The following CHD6 variants were observed in gnomAD, a reference collection of about 807,000 sequenced individuals.
The protein encoded by CHD6 is ATP-dependent chromatin remodeler CHD6.
CHD6 carries 50 observed loss-of-function variants against 276.9 expected under a neutral mutation model. The observed-to-expected ratio is 0.18, with a 90% CI of 0.14 to 0.23. CHD6 has a LOEUF of 0.23. CHD6 is among the 10% of genes least tolerant of loss of function. CHD6 has a pLI of 1.00. For missense variants in CHD6, 2,564 were observed against 3,365.8 expected, an observed-to-expected ratio of 0.76 and a Z score of 5.89; for synonymous variants, 1,173 against 1,229.3, an observed-to-expected ratio of 0.95 and a Z score of 0.96.
chr20:41,445,865 G>T, intron 24 of CHD6, 97 bp from the exon 25 acceptor site: 1 of 710,284 alleles, frequency 1.4e-6, no homozygotes. Context: ...AGATGCTAAA[G>T]TAACAATAAA....
At chr20:41,441,093 T>A (rs1236357757) in intron 25 of CHD6, among the ~76,000 whole-genome samples, 1 of 152,210 alleles carries the variant, frequency 6.6e-6, no homozygotes, top group Non-Finnish European at 1.5e-5. Flanking sequence ...GCTGCCCACA[T>A]GAGGTACCTG....
In CHD6 at chr20:41,483,306, C is replaced by T; in HGVS notation, c.2468+3G>A. 1 of 1,608,770 alleles carries T rather than the reference C, an allele frequency of 6.2e-7. No individual in the cohort carries two copies. On this transcript the variant is annotated splice_donor_region_variant and intron_variant, in intron 16 of 36. Coordinates refer to ENST00000373233, the MANE Select transcript of CHD6 (RefSeq NM_032221.5). ...GAATGCAGAGCTTTGACACAAGTCT[C>T]ACCTTCTCTGGATGAGGTAATCTTC...
At chr20:41,422,167 G>A (rs1045804788) in intron 30 of CHD6, 88 bp from the exon 31 acceptor site, 2 of 1,377,930 alleles carry the variant, frequency 1.5e-6, no homozygotes, top group South Asian at 2.9e-5. Context: ...TGGTCTTGGA[G>A]TTTAGCTCCC....
chr20:41,526,942 T>C (rs929663475), intron 3 of CHD6, among the ~76,000 whole-genome samples: 9 of 152,196 alleles, frequency 5.9e-5, no homozygotes, highest in Admixed American at 2.0e-4. Context: ...TCTAACAAGC[T>C]GTCCAGGTAG....
chr20:41,445,142 C>T (rs917472353), intron 25 of CHD6, among the ~76,000 whole-genome samples: 8 of 152,148 alleles, frequency 5.3e-5, no homozygotes, highest in African/African-American at 1.9e-4. Flanking sequence ...CCTCTCAGTC[C>T]CCTTTAGTGG....
At chr20:41,461,637 C>A (rs2145720138) in intron 17 of CHD6, 1 of 152,932 alleles carries the variant, frequency 6.5e-6, no homozygotes, top group African/African-American at 2.4e-5. Flanking sequence ...AATTAAACTT[C>A]TTTTTCGTCC....
chr20:41,403,932 G>A lies in CHD6; in HGVS notation c.*661C>T, dbSNP rs2046597887. On this transcript the variant is annotated 3_prime_UTR_variant, in exon 37 of 37. Transcript: ENST00000373233. ...AGGGATGTATAGAAAATAATGCCTA[G>A]TCAGTCAGTATTTCTTCTTGCTGCA... 5 of 1,053,966 alleles carry A rather than the reference G, an allele frequency of 4.7e-6. No individual in the cohort carries two copies. The South Asian group carries it at 1.4e-4, about 29-fold the overall frequency. The allele number at this position is 1,053,966 out of a possible 1,614,324, so 65.3% of individuals were successfully genotyped here. A position where few individuals can be genotyped will look rare whatever the true frequency, so the allele number is the denominator to read the frequency against.
chr20:41,492,835 T>C (rs775152877), intron 10 of CHD6, among the ~76,000 whole-genome samples: 2 of 152,184 alleles, frequency 1.3e-5, no homozygotes, highest in Non-Finnish European at 2.9e-5. Flanking sequence ...GCAGGAGAAT[T>C]GCTTGAACTC....
chr20:41,562,496 T>C (rs1326716242), intron 1 of CHD6, among the ~76,000 whole-genome samples: 2 of 149,894 alleles, frequency 1.3e-5, no homozygotes, highest in African/African-American at 4.9e-5. Context: ...AGGGTTTGAT[T>C]TTTTTTTTTT....
At chr20:41,489,732 C>T (rs1222872070) in intron 12 of CHD6, 46 bp downstream of exon 12, 3 of 1,610,376 alleles carry the variant, frequency 1.9e-6, no homozygotes, top group East Asian at 2.2e-5. Flanking sequence ...AAAGGCTGTT[C>T]TGAGCTTAGG....
At chr20:41,466,483 A>G (rs2042923450) in intron 17 of CHD6, among the ~76,000 whole-genome samples, 1 of 152,182 alleles carries the variant, frequency 6.6e-6, no homozygotes, top group African/African-American at 2.4e-5. Flanking sequence ...TTTAGCTATT[A>G]TAATTCGTTG....
chr20:41,607,592 C>G (rs77415508), intron 1 of CHD6, among the ~76,000 whole-genome samples: 5,872 of 152,062 alleles, frequency 0.039, 132 homozygotes, highest in Middle Eastern at 0.071. Context: ...AAATCTAACC[C>G]AAGAAGTGCT....
At chr20:41,507,472 C>T (rs777121865) in intron 5 of CHD6, among the ~76,000 whole-genome samples, 6 of 151,372 alleles carry the variant, frequency 4.0e-5, no homozygotes, top group South Asian at 2.1e-4. Flanking sequence ...ATATGGAAAA[C>T]GGGTTTTTAT....
chr20:41,503,051 T>C (rs530956462), intron 5 of CHD6, among the ~76,000 whole-genome samples: 3 of 152,226 alleles, frequency 2.0e-5, no homozygotes, highest in South Asian at 2.1e-4. Context: ...AAAACCCATA[T>C]GTGCTACATC....
intron 1 of CHD6, among the ~76,000 whole-genome samples, chr20:41,606,840 T>C (rs942633159): frequency 6.6e-6 from 1 of 152,188 alleles, no homozygotes; most frequent in Non-Finnish European, 1.5e-5. Flanking sequence ...TCAGAAAATC[T>C]GATTTTACTG....
intron 2 of CHD6, among the ~76,000 whole-genome samples, chr20:41,536,956 T>C (rs992870978): frequency 1.8e-4 from 28 of 152,156 alleles, no homozygotes; most frequent in African/African-American, 6.8e-4. Context: ...CAGGCATATA[T>C]AGAGATGTGA....
At chr20:41,478,213 C>A (rs1202087370) in intron 16 of CHD6, among the ~76,000 whole-genome samples, 1 of 152,130 alleles carries the variant, frequency 6.6e-6, no homozygotes, top group Non-Finnish European at 1.5e-5. Flanking sequence ...TTCTGGTTGG[C>A]TCCACAGTGC....
Position 41,455,801 on chromosome 20 carries a change from T to C in CHD6, c.3008A>G (p.Lys1003Arg), listed in dbSNP as rs1250231683. 1.9e-6 allele frequency: 3 copies of C among 1,581,234 alleles called. No individual in the cohort carries two copies. Among genetic ancestry groups the C allele is most frequent in the Non-Finnish European group, 2.6e-6 (3 of 1,165,880 alleles). Reference protein sequence around the residue: ...QSEGKGSTFAKASFVASGNRT... With the variant: ...QSEGKGSTFARASFVASGNRT... The stretch of plus-strand genomic sequence containing the variant: ...AGCTCTGGAGAGAAGGCCCTGTACC[T>C]TGGCAAAAGTGGACCCTTTCCCCTC... The change falls in exon 19 of 37, where the codon AAG (lysine) becomes AGG (arginine). Residue 1003 changes from lysine (K) to arginine (R), a missense_variant and splice_region_variant. Around this residue, in one of 7 missense-constraint regions of CHD6, gnomAD observed 19 missense variants for 74.7 expected, o/e 0.25. Transcript: ENST00000373233.
intron 17 of CHD6, among the ~76,000 whole-genome samples, chr20:41,459,008 G>A (rs548203374): frequency 1.1e-3 from 168 of 152,252 alleles, no homozygotes; most frequent in African/African-American, 3.9e-3. Flanking sequence ...TCTTGATCCT[G>A]GAGTCCAGAA....
Sources: allele counts gnomAD v4.1 joint callset (sites outside exome capture counted in the v4.1 genomes callset), GRCh38; gene constraint gnomAD v4.1.1; regional missense constraint gnomAD v4.1.1; transcripts MANE v1.5; gene names NCBI Gene and HGNC (gene_info 2026-07-23, HGNC 2026-07-21).